The following DLG2 variants were observed in gnomAD, a reference collection of about 807,000 sequenced individuals.
DLG2 encodes the protein discs large MAGUK scaffold protein 2.
DLG2 carries 45 observed loss-of-function variants against 132.5 expected under a neutral mutation model. The observed-to-expected ratio is 0.34, with a 90% CI of 0.27 to 0.44. The LOEUF (loss-of-function observed/expected upper bound fraction) is 0.44, where lower values mean the gene tolerates loss of function less well. Ranked by LOEUF, DLG2 falls within the 20% of genes least tolerant of loss-of-function variation. DLG2 has a pLI of 1.00. For synonymous variants in DLG2, 424 were observed against 419.6 expected, an observed-to-expected ratio of 1.01 and a Z score of -0.13; for missense variants, 1,045 against 1,196.9, an observed-to-expected ratio of 0.87 and a Z score of 1.87.
chr11:84,660,509 A>C (rs996045604), intron 6 of DLG2, among the ~76,000 whole-genome samples: 2 of 152,132 alleles, frequency 1.3e-5, no homozygotes, highest in African/African-American at 4.8e-5. Flanking sequence ...ACCTCTTTTA[A>C]GGAAGTAAAT....
chr11:83,890,836 G>A (rs926578751), intron 15 of DLG2, among the ~76,000 whole-genome samples: 4 of 152,096 alleles, frequency 2.6e-5, no homozygotes, highest in Non-Finnish European at 4.4e-5. Context: ...AGGAAAATAC[G>A]GCTAGAGCTA....
intron 6 of DLG2, among the ~76,000 whole-genome samples, chr11:85,033,121 G>GT (rs1223219606): frequency 2.0e-5 from 3 of 152,046 alleles, no homozygotes; most frequent in South Asian, 2.1e-4. Flanking sequence ...AAAAATAACT[G>GT]TTTTTTGTCT....
At chr11:84,216,878 T>C (rs927510771) in intron 8 of DLG2, among the ~76,000 whole-genome samples, 20 of 152,336 alleles carry the variant, frequency 1.3e-4, no homozygotes, top group Non-Finnish European at 2.8e-4. Context: ...TATTTGTTTT[T>C]CTGAATTTAC....
At chr11:83,820,345 AGTT>A (rs2050415667) in intron 17 of DLG2, among the ~76,000 whole-genome samples, 1 of 152,188 alleles carries the variant, frequency 6.6e-6, no homozygotes, top group African/African-American at 2.4e-5. Flanking sequence ...CTTCATAAAA[AGTT>A]GTTATTATAA....
intron 16 of DLG2, among the ~76,000 whole-genome samples, chr11:83,857,804 T>C (rs7951252): frequency 0.18 from 27,134 of 147,518 alleles, 2,703 homozygotes; most frequent in East Asian, 0.34. Context: ...GAGAATTTTC[T>C]ACATTTTCTG....
At chr11:84,056,406 C>T (rs1327796436) in intron 11 of DLG2, among the ~76,000 whole-genome samples, 1 of 152,166 alleles carries the variant, frequency 6.6e-6, no homozygotes, top group Admixed American at 6.6e-5. Context: ...CGAATCACAT[C>T]TTCCACTTTG....
intron 3 of DLG2, among the ~76,000 whole-genome samples, chr11:85,447,557 A>G (rs533132756): frequency 6.6e-6 from 1 of 152,268 alleles, no homozygotes; most frequent in Admixed American, 6.5e-5. Flanking sequence ...CTTGCCAACC[A>G]TTGCCAACCA....
At chr11:83,944,801 C>G (rs1035198266) in intron 14 of DLG2, among the ~76,000 whole-genome samples, 3 of 152,206 alleles carry the variant, frequency 2.0e-5, no homozygotes, top group Non-Finnish European at 4.4e-5. Context: ...AAAGAGCCAA[C>G]GGGCTCCACA....
At chr11:85,610,499 C>T (rs1489389668) in intron 2 of DLG2, among the ~76,000 whole-genome samples, 1 of 152,232 alleles carries the variant, frequency 6.6e-6, no homozygotes, top group Non-Finnish European at 1.5e-5. Flanking sequence ...CCACAGACCA[C>T]ACATCCCAAC....
intron 11 of DLG2, among the ~76,000 whole-genome samples, chr11:83,984,676 G>T (rs2093106369): frequency 2.0e-5 from 3 of 151,946 alleles, no homozygotes; most frequent in African/African-American, 4.8e-5. Flanking sequence ...TAAATGTAAA[G>T]AATTTTTTTT....
At chr11:84,356,973 T>G (rs2098617313) in intron 7 of DLG2, among the ~76,000 whole-genome samples, 5 of 152,030 alleles carry the variant, frequency 3.3e-5, no homozygotes. Context: ...CTTGGTTTGA[T>G]GTGCTCAAGA....
chr11:84,521,177 A>C (rs867127701), intron 7 of DLG2, among the ~76,000 whole-genome samples: 2 of 152,220 alleles, frequency 1.3e-5, no homozygotes, highest in African/African-American at 4.8e-5. Context: ...ATGAAGAGAG[A>C]GGTTGGTCTA....
chr11:84,810,596 G>C (rs967117050), intron 6 of DLG2, among the ~76,000 whole-genome samples: 1 of 152,084 alleles, frequency 6.6e-6, no homozygotes, highest in East Asian at 1.9e-4. Context: ...AACAAAACAT[G>C]CAACTATTAA....
At chr11:84,629,732 G>A (rs941858953) in intron 6 of DLG2, among the ~76,000 whole-genome samples, 18 of 151,938 alleles carry the variant, frequency 1.2e-4, no homozygotes, top group African/African-American at 4.4e-4. Context: ...CAAAAGCTCA[G>A]GCAAGGGGAT....
At chr11:83,793,635 T>C (rs1318577751) in intron 17 of DLG2, among the ~76,000 whole-genome samples, 2 of 152,194 alleles carry the variant, frequency 1.3e-5, no homozygotes, top group African/African-American at 4.8e-5. Context: ...AAATCTCAAG[T>C]CTACCTAGGT....
At chr11:84,930,647 A>G (rs1332071669) in intron 6 of DLG2, among the ~76,000 whole-genome samples, 1 of 152,090 alleles carries the variant, frequency 6.6e-6, no homozygotes, top group Non-Finnish European at 1.5e-5. Flanking sequence ...ACAAGTCCTC[A>G]ACTTTTACCG....
At chr11:84,769,696 A>ACT (rs1737717378) in intron 6 of DLG2, among the ~76,000 whole-genome samples, 1 of 152,218 alleles carries the variant, frequency 6.6e-6, no homozygotes, top group South Asian at 2.1e-4. Flanking sequence ...GTTTATGGTC[A>ACT]ATGCTAAAGA....
At chr11:85,510,236 A>G (rs2094029085) in intron 3 of DLG2, among the ~76,000 whole-genome samples, 1 of 152,058 alleles carries the variant, frequency 6.6e-6, no homozygotes, top group South Asian at 2.1e-4. Context: ...GAGAGGCTAA[A>G]GAGGTAGGCA....
At chr11:84,379,537 G>C (rs945659772) in intron 7 of DLG2, among the ~76,000 whole-genome samples, 3 of 152,080 alleles carry the variant, frequency 2.0e-5, no homozygotes, top group Non-Finnish European at 4.4e-5. Context: ...AAGAAAAGTG[G>C]AGGATGGAAC....
Sources: allele counts gnomAD v4.1 joint callset (sites outside exome capture counted in the v4.1 genomes callset), GRCh38; gene constraint gnomAD v4.1.1; transcripts MANE v1.5; gene names NCBI Gene and HGNC (gene_info 2026-07-23, HGNC 2026-07-21).